The following TRPA1 variants were observed in gnomAD, a reference collection of about 807,000 sequenced individuals.
The protein encoded by TRPA1 is ankyrin-like with transmembrane domains 1.
In TRPA1, 129 loss-of-function variants were observed where a neutral mutation model predicts 131.3. The observed-to-expected ratio is 0.98, with a 90% CI of 0.85 to 1.14. TRPA1 has a LOEUF of 1.14. Among genes scored for constraint, TRPA1 ranks in the 50% most tolerant of loss-of-function variants. The pLI is 0.00. For missense variants in TRPA1, 1,304 were observed against 1,354.2 expected, an observed-to-expected ratio of 0.96 and a Z score of 0.58; for synonymous variants, 441 against 451.7, an observed-to-expected ratio of 0.98 and a Z score of 0.30.
In TRPA1 at chr8:72,070,751, A is replaced by G. The variant is rs1047244773; in HGVS notation, c.268+960T>C. Among the ~76,000 whole-genome samples, 8 of 152,108 alleles carry G rather than the reference A, an allele frequency of 5.3e-5. No homozygotes were observed. In the East Asian group the frequency reaches 1.5e-3, roughly 29 times the overall value. ...TTTGCTAGCAATTTTGTGATCCCCT[A>G]AGGGATTTTCACACATTTCCACTGT... On this transcript the variant is annotated intron_variant, in intron 2 of 26. Transcript: ENST00000262209.
chr8:72,048,668 G>A (rs994612409), intron 15 of TRPA1, among the ~76,000 whole-genome samples: 39 of 152,104 alleles, frequency 2.6e-4, no homozygotes, highest in African/African-American at 9.4e-4. Context: ...TGTTGTATAA[G>A]TATTTCAAAT....
upstream of TRPA1, among the ~76,000 whole-genome samples, chr8:72,079,271 G>A (rs1806244711): frequency 6.6e-6 from 1 of 151,636 alleles, no homozygotes; most frequent in East Asian, 1.9e-4. Flanking sequence ...TTCCTATATT[G>A]TGTTTTGGGT....
chr8:72,031,382 C>A (rs1381029155), intron 23 of TRPA1, among the ~76,000 whole-genome samples: 1 of 151,426 alleles, frequency 6.6e-6, no homozygotes, highest in African/African-American at 2.4e-5. Flanking sequence ...AGTTCCAGAC[C>A]AGCCTGGGCA....
At chr8:72,063,084 A>T (rs1423401915) in intron 5 of TRPA1, 140 bp from the exon 6 acceptor site, 1 of 905,928 alleles carries the variant, frequency 1.1e-6, no homozygotes, top group Non-Finnish European at 1.6e-6. Context: ...AATTCTGTTA[A>T]ATATTTTTCA....
chr8:72,057,707 C>G lies in TRPA1; in HGVS notation c.1093+10G>C. On this transcript the variant is annotated intron_variant, in intron 9 of 26. Transcript: ENST00000262209. ...CACTTCAAAAGACTTGGCTTGTTCC[C>G]TCTTGGTACCTTTAGAGAGTAGCAA... is the stretch of plus-strand genomic sequence containing the variant. 1 of 1,607,666 alleles carries G rather than the reference C, an allele frequency of 6.2e-7. No individual in the cohort carries two copies. Among genetic ancestry groups the G allele is most frequent in the Non-Finnish European group, 8.5e-7 (1 of 1,174,494 alleles).
intron 25 of TRPA1, among the ~76,000 whole-genome samples, 165 bp from the exon 26 acceptor site, chr8:72,024,076 G>T (rs748464869): frequency 1.3e-5 from 2 of 152,138 alleles, no homozygotes; most frequent in Non-Finnish European, 2.9e-5. Flanking sequence ...TGAAGAAAGA[G>T]CTGTGAAAGG....
intron 21 of TRPA1, among the ~76,000 whole-genome samples, chr8:72,034,920 T>C (rs1811974534): frequency 6.6e-6 from 1 of 152,192 alleles, no homozygotes; most frequent in Non-Finnish European, 1.5e-5. Flanking sequence ...AAATAATAGC[T>C]TCTCAATATC....
At chr8:72,063,023 A>C (rs2129436158) in intron 5 of TRPA1, 79 bp from the exon 6 acceptor site, 2 of 1,357,976 alleles carry the variant, frequency 1.5e-6, no homozygotes, top group East Asian at 5.0e-5. Flanking sequence ...AAATATGAAC[A>C]AAGGTAAAAA....
intron 3 of TRPA1, among the ~76,000 whole-genome samples, chr8:72,067,896 C>CTCAT (rs748310503): frequency 5.9e-5 from 9 of 152,176 alleles, no homozygotes; most frequent in African/African-American, 9.7e-5. Flanking sequence ...CTCCCATTTA[C>CTCAT]TCATTCATTC....
rs148803970 is a variant in TRPA1 at position 72,025,962 on chromosome 8, A to G, written c.3049T>C (p.Phe1017Leu). 1 of 1,612,704 alleles carries G rather than the reference A, an allele frequency of 6.2e-7. No homozygotes were observed. The highest frequency in any genetic ancestry group is 1.3e-5 in the African/African-American group (1 of 74,886). ...TGTTATTTGTTATGTGTACTTACGA[A>G]TAACATCCCACCAGATCTGGGTTTG... ...PNKPRSGGML[F>L]HIFCFLFCTG... The change falls in exon 25 of 27, where the codon TTC (phenylalanine) becomes CTC (leucine). Residue 1017 changes from phenylalanine (F) to leucine (L), a missense_variant and splice_region_variant. By Grantham distance (22) the Phe-to-Leu change is conservative. Transcript: ENST00000262209.
In TRPA1 at chr8:72,026,080, T is replaced by G; in HGVS notation, c.2938-7A>C. ...AGCTGGTATGAAGTTCCACCTAAAG[T>G]GCATTTTGGATTTATTGATAGAATC... On this transcript the variant is annotated splice_region_variant and splice_polypyrimidine_tract_variant and intron_variant, in intron 24 of 26. Transcript: ENST00000262209. The G allele has an allele frequency of 4.3e-6, 7 of 1,610,508 alleles. No homozygotes were observed. The highest frequency in any genetic ancestry group is 5.9e-6 in the Non-Finnish European group (7 of 1,176,894).
chr8:72,030,299 C>T (rs1811765985), intron 23 of TRPA1, among the ~76,000 whole-genome samples: 1 of 152,144 alleles, frequency 6.6e-6, no homozygotes. Flanking sequence ...CCCCTCATGG[C>T]CTAATCACCT....
chr8:72,086,636 A>C, the TRPA1 span, among the ~76,000 whole-genome samples: 2 of 152,122 alleles, frequency 1.3e-5, no homozygotes, highest in African/African-American at 4.8e-5. Context: ...TTTCTAATTC[A>C]TTTCTTTATA....
At chr8:72,033,941 A>C in intron 22 of TRPA1, 115 bp from the exon 23 acceptor site, 2 of 1,015,516 alleles carry the variant, frequency 2.0e-6, no homozygotes, top group Admixed American at 3.9e-5. Flanking sequence ...AGTCATAGGC[A>C]TATAGCTGTT....
Position 72,039,673 on chromosome 8 carries a change from TG to T in TRPA1, c.2132+53del, listed in dbSNP as rs1010845132. 10 of 1,128,140 alleles carry T rather than the reference TG, an allele frequency of 8.9e-6. No homozygotes were observed. In the African/African-American group the frequency reaches 1.5e-4, roughly 17 times the overall value. The allele number at this position is 1,128,140 out of a possible 1,614,324, so 69.9% of individuals were successfully genotyped here. On this transcript the variant is annotated intron_variant, in intron 18 of 26. Transcript: ENST00000262209. ...TACAATATAATTGTTTTGAAGGCTT[TG>T]TAATAGATCCAATAGACACAGCATT...
chr8:72,032,942 A>G (rs1035675399), intron 23 of TRPA1, among the ~76,000 whole-genome samples: 1 of 152,230 alleles, frequency 6.6e-6, no homozygotes, highest in African/African-American at 2.4e-5. Flanking sequence ...CAACGATGCC[A>G]ATAAGGGCTC....
chr8:72,050,956 G>A, intron 14 of TRPA1, 85 bp from the exon 15 acceptor site: 2 of 1,012,026 alleles, frequency 2.0e-6, no homozygotes, highest in Non-Finnish European at 3.1e-6. Context: ...TATTTCTTTA[G>A]GGGAAACCTA....
At chr8:72,036,225 A>G in intron 21 of TRPA1, 63 bp downstream of exon 21, 3 of 1,547,722 alleles carry the variant, frequency 1.9e-6, no homozygotes, top group Non-Finnish European at 2.7e-6. Flanking sequence ...ACCAGGTACA[A>G]TAGTTTTTCT....
In TRPA1 at chr8:72,062,740, AT is replaced by A. The variant is rs528334778; in HGVS notation, c.807+58del. ...ATTAACTGTAAAAGAGCTATAAAGC[AT>A]TTTATATGTTTATGACAACTCTAAG... is the stretch of plus-strand genomic sequence containing the variant. On this transcript the variant is annotated intron_variant, in intron 6 of 26. Transcript: ENST00000262209. The A allele has an allele frequency of 8.5e-5, 130 of 1,527,488 alleles. No individual in the cohort carries two copies. The African/African-American group carries it at 1.6e-3, about 19-fold the overall frequency. 94.6% of individuals were successfully genotyped at this position (1,527,488 alleles called of 1,614,324 possible).
Sources: allele counts gnomAD v4.1 joint callset (sites outside exome capture counted in the v4.1 genomes callset), GRCh38; gene constraint gnomAD v4.1.1; transcripts MANE v1.5; gene names NCBI Gene and HGNC (gene_info 2026-07-23, HGNC 2026-07-21).